Variants in DPY19L1 observed in about 807,000 individuals in gnomAD.
The protein encoded by DPY19L1 is protein C-mannosyl-transferase DPY19L1.
DPY19L1 carries 35 observed loss-of-function variants against 96.9 expected under a neutral mutation model. The ratio of observed to expected loss-of-function variants is 0.36; its 90% CI spans 0.28 to 0.48. DPY19L1 has a LOEUF of 0.48. DPY19L1 is among the 20% of genes least tolerant of loss of function. DPY19L1 has a pLI of 0.99. For missense variants in DPY19L1, 521 were observed against 777.9 expected, an observed-to-expected ratio of 0.67 and a Z score of 3.93; for synonymous variants, 205 against 252.6, an observed-to-expected ratio of 0.81 and a Z score of 1.79.
intron 1 of DPY19L1, among the ~76,000 whole-genome samples, chr7:35,032,568 T>G (rs1329194471): frequency 6.6e-6 from 1 of 152,180 alleles, no homozygotes; most frequent in Non-Finnish European, 1.5e-5. Context: ...AACCACCTAT[T>G]TGCTGATGAC....
chr7:34,972,691 A>G (rs1338902562), intron 8 of DPY19L1, among the ~76,000 whole-genome samples: 3 of 152,224 alleles, frequency 2.0e-5, no homozygotes, highest in Non-Finnish European at 4.4e-5. Context: ...AAGGTTATGA[A>G]TTCATAGAGG....
Position 34,940,136 on chromosome 7 carries a change from C to CA in DPY19L1, c.1864+16_1864+17insT. 3 of 1,258,210 alleles carry CA rather than the reference C, an allele frequency of 2.4e-6. No individual in the cohort carries two copies. Among genetic ancestry groups the CA allele is most frequent in the Non-Finnish European group, 3.1e-6 (3 of 968,576 alleles). 77.9% of individuals were successfully genotyped at this position (1,258,210 alleles called of 1,614,324 possible). On this transcript the variant is annotated intron_variant, in intron 19 of 21. Transcript: ENST00000638088. ...AGCTAAATAATATGACTTTTTTTTT[C>CA]TTTTTTTTTTTTTTACCTGGTTTAG...
chr7:35,011,230 T>C, intron 5 of DPY19L1, 100 bp downstream of exon 5: 7 of 1,346,618 alleles, frequency 5.2e-6, no homozygotes, highest in Non-Finnish European at 7.3e-6. Context: ...ATAAAATGGG[T>C]GTTGTTTATA....
At chr7:34,934,412 T>G (rs1403420321) in intron 21 of DPY19L1, among the ~76,000 whole-genome samples, 1 of 152,222 alleles carries the variant, frequency 6.6e-6, no homozygotes, top group Non-Finnish European at 1.5e-5. Context: ...TCTATTCTAC[T>G]GTTTTTAAAA....
chr7:34,983,893 G>A (rs959473649), intron 7 of DPY19L1, among the ~76,000 whole-genome samples: 4 of 152,040 alleles, frequency 2.6e-5, no homozygotes, highest in Admixed American at 6.6e-5. Flanking sequence ...AACAAAGCAC[G>A]TCTAGGTTTA....
chr7:34,937,417 C>A (rs1305539546), intron 21 of DPY19L1, among the ~76,000 whole-genome samples: 1 of 152,072 alleles, frequency 6.6e-6, no homozygotes, highest in Non-Finnish European at 1.5e-5. Flanking sequence ...AAAGAGACTC[C>A]CCATTACTTG....
intron 7 of DPY19L1, among the ~76,000 whole-genome samples, chr7:34,976,202 C>T (rs1272722557): frequency 6.6e-6 from 1 of 152,124 alleles, no homozygotes; most frequent in African/African-American, 2.4e-5. Flanking sequence ...CATTCTGATT[C>T]ATGGAAGGAG....
At chr7:35,015,762 C>T (rs1160923993) in intron 3 of DPY19L1, among the ~76,000 whole-genome samples, 5 of 152,212 alleles carry the variant, frequency 3.3e-5, no homozygotes, top group Admixed American at 3.3e-4. Context: ...AGGTAAACTT[C>T]TTTTCACTTT....
At chr7:34,944,711 T>C (rs1380535580) in intron 16 of DPY19L1, among the ~76,000 whole-genome samples, 2 of 152,182 alleles carry the variant, frequency 1.3e-5, no homozygotes, top group African/African-American at 2.4e-5. Flanking sequence ...GATGTTTCCA[T>C]TTCTCACATA....
Position 35,027,668 on chromosome 7 carries a change from TAA to T in DPY19L1, c.299-9074_299-9073del, listed in dbSNP as rs57262214. ...CAACATGGCAAAACCCCGTCTCTAC[TAA>T]AAAAAAAAAAAAAAAAAATTAGTTG... On this transcript the variant is annotated intron_variant, in intron 1 of 21. Transcript: ENST00000638088. Among the ~76,000 whole-genome samples, 285 of 71,378 alleles carry T rather than the reference TAA, an allele frequency of 4.0e-3. 6 individuals carry two copies. The highest frequency in any genetic ancestry group is 0.01 in the African/African-American group (239 of 22,904). 46.8% of individuals were successfully genotyped at this position (71,378 alleles called of 152,430 possible).
intron 13 of DPY19L1, among the ~76,000 whole-genome samples, chr7:34,953,475 GACTT>G (rs1160432359): frequency 1.3e-5 from 2 of 152,122 alleles, no homozygotes; most frequent in African/African-American, 4.8e-5. Flanking sequence ...CATATTGGCT[GACTT>G]ACCCACCTTT....
At chr7:34,960,665 C>A (rs1041761588) in intron 10 of DPY19L1, among the ~76,000 whole-genome samples, 12 of 152,032 alleles carry the variant, frequency 7.9e-5, no homozygotes, top group Admixed American at 7.2e-4. Flanking sequence ...GCATATTTAC[C>A]ATGCTTCTGG....
At chr7:34,942,728 T>G in intron 16 of DPY19L1, 89 bp from the exon 17 acceptor site, 1 of 1,088,642 alleles carries the variant, frequency 9.2e-7, no homozygotes, top group East Asian at 2.4e-5. Flanking sequence ...ACAGGAGTTT[T>G]ACAACTTCTA....
chr7:35,028,388 A>C (rs1786178769), intron 1 of DPY19L1, among the ~76,000 whole-genome samples: 1 of 152,256 alleles, frequency 6.6e-6, no homozygotes, highest in Non-Finnish European at 1.5e-5. Flanking sequence ...AAAGCGGAAT[A>C]TAATTAGGCT....
chr7:35,027,816 C>A (rs1393327858), intron 1 of DPY19L1, among the ~76,000 whole-genome samples: 1 of 151,790 alleles, frequency 6.6e-6, no homozygotes, highest in African/African-American at 2.4e-5. Flanking sequence ...CCAGCCTGGG[C>A]AACAAGAGCA....
chr7:35,027,838 C>A (rs1338552803), intron 1 of DPY19L1, among the ~76,000 whole-genome samples: 1 of 151,650 alleles, frequency 6.6e-6, no homozygotes, highest in Non-Finnish European at 1.5e-5. Context: ...AACTCCGTCT[C>A]AAAAAATAAA....
chr7:35,031,651 G>A (rs575875971), intron 1 of DPY19L1, among the ~76,000 whole-genome samples: 29 of 152,210 alleles, frequency 1.9e-4, no homozygotes, highest in Admixed American at 1.6e-3. Context: ...TTTCAGTATT[G>A]ATGCCATATT....
chr7:34,939,067 C>A, intron 20 of DPY19L1: 1 of 449,830 alleles, frequency 2.2e-6, no homozygotes, highest in Non-Finnish European at 3.9e-6. Flanking sequence ...GAGAAGAGAG[C>A]CCCCAAAGTT....
chr7:35,004,372 A>G (rs1271048965), intron 6 of DPY19L1, among the ~76,000 whole-genome samples: 1 of 152,202 alleles, frequency 6.6e-6, no homozygotes, highest in African/African-American at 2.4e-5. Context: ...CAGTTTTTCA[A>G]AACTAAACAC....
Sources: gnomAD v4.1 joint callset for allele counts (sites outside exome capture counted in the v4.1 genomes callset) on GRCh38, gnomAD v4.1.1 for gene constraint, MANE v1.5 for transcripts, NCBI Gene and HGNC (gene_info 2026-07-23, HGNC 2026-07-21) for gene names.